DCST2: variants seen among roughly 807,000 people sequenced by gnomAD.
DCST2 encodes the protein DC-STAMP domain containing 2.
In DCST2, 64 loss-of-function variants were observed where a neutral mutation model predicts 81.8. The ratio of observed to expected loss-of-function variants is 0.78; its 90% CI spans 0.64 to 0.96. DCST2 has a LOEUF of 0.96. Among genes scored for constraint, DCST2 ranks in the 40% least tolerant of loss-of-function variants. DCST2 has a pLI of 0.00. For missense variants in DCST2, 945 were observed against 1,001.4 expected, an observed-to-expected ratio of 0.94 and a Z score of 0.76; for synonymous variants, 354 against 402.6, an observed-to-expected ratio of 0.88 and a Z score of 1.44.
Position 155,023,874 on chromosome 1 carries a change from C to G in DCST2, c.1828G>C (p.Asp610His), listed in dbSNP as rs1472915419. 6.2e-7 allele frequency: 1 copy of G among 1,613,624 alleles called. No individual in the cohort carries two copies. The highest frequency in any genetic ancestry group is 8.5e-7 in the Non-Finnish European group (1 of 1,179,956). Residue 610 changes from aspartate to histidine, a missense_variant, in exon 12 of 15, where the codon GAC (aspartate) becomes CAC (histidine). Asp to His is a moderately conservative substitution (Grantham distance 81). Coordinates refer to ENST00000368424, the MANE Select transcript of DCST2 (RefSeq NM_144622.3). Reference protein sequence around the residue: ...LGCGQPQDEGDMENTVSCSTP... With the variant: ...LGCGQPQDEGHMENTVSCSTP... ...CTGCAGGACACAGTGTTCTCCATGT[C>G]TCCCTCATCCTGGGGCTGCCCACAG... is the stretch of plus-strand genomic sequence containing the variant.
In DCST2 at chr1:155,033,076, TAG is replaced by T. The variant is rs1170836638; in HGVS notation, c.439+16_439+17del. On this transcript the variant is annotated intron_variant, in intron 2 of 14. Transcript: ENST00000368424. ...GAGGGGGGCCCGTGGGAGACAGTGG[TAG>T]AGGTGGGGGACTTACTGACAAGAGG... 1 of 1,539,678 alleles carries T rather than the reference TAG, an allele frequency of 6.5e-7. No homozygotes were observed. The highest frequency in any genetic ancestry group is 1.2e-5 in the South Asian group (1 of 80,560).
At chr1:155,026,145 G>C (rs1659902419) in intron 10 of DCST2, among the ~76,000 whole-genome samples, 157 bp downstream of exon 10, 1 of 151,886 alleles carries the variant, frequency 6.6e-6, no homozygotes, top group South Asian at 2.1e-4. Context: ...CTTGGGTCCA[G>C]AGGCTTGCAG....
chr1:155,033,408 C>A (rs773034558), intron 1 of DCST2, 26 bp downstream of exon 1: 3 of 1,607,368 alleles, frequency 1.9e-6, no homozygotes, highest in Non-Finnish European at 2.6e-6. Context: ...CAGGACCTGC[C>A]CCCTAGCCCT....
Position 155,023,414 on chromosome 1 carries a change from G to A in DCST2, c.1914C>T (p.Cys638=), listed in dbSNP as rs1374848608. 1 of 1,606,722 alleles carries A rather than the reference G, an allele frequency of 6.2e-7. No individual in the cohort carries two copies. Among genetic ancestry groups the A allele is most frequent in the African/African-American group, 1.3e-5 (1 of 74,942 alleles). ...AGGAGAGGGGAGATGCACACACGGA[G>A]CAGGTATTGTCCAGGAGGCGGAAGC... ...LTCFRLLDNT[C]SVCASPLSYQ... Residue 638 remains cysteine, a synonymous_variant, in exon 13 of 15, where the codon TGC becomes TGT. Transcript: ENST00000368424.
In DCST2 at chr1:155,030,578, G is replaced by A; in HGVS notation, c.873C>T (p.Phe291=). 1.2e-6 allele frequency: 2 copies of A among 1,614,158 alleles called. No individual in the cohort carries two copies. Among genetic ancestry groups the A allele is most frequent in the Non-Finnish European group, 1.7e-6 (2 of 1,180,038 alleles). The part of the protein sequence containing the change: ...FEFNMTATHH[F]SVDLNASRSL... ...TCCGAGAGGCATTGAGATCCACAGAGAAGTGGTGGGTGGCTGTCATGTTGA... is the reference window on the plus strand; with the variant it reads ...TCCGAGAGGCATTGAGATCCACAGAAAAGTGGTGGGTGGCTGTCATGTTGA... The change falls in exon 6 of 15, where the codon TTC becomes TTT. Residue 291 remains phenylalanine (F), a synonymous_variant. Coordinates refer to ENST00000368424, the MANE Select transcript of DCST2 (RefSeq NM_144622.3).
intron 12 of DCST2, 119 bp from the exon 13 acceptor site, chr1:155,023,576 G>T: frequency 6.5e-7 from 1 of 1,546,978 alleles, no homozygotes. Flanking sequence ...CCTTGTCAAG[G>T]GGTGCACACT....
chr1:155,031,513 A>AG, intron 4 of DCST2, 61 bp downstream of exon 4: 3 of 709,770 alleles, frequency 4.2e-6, no homozygotes, highest in Non-Finnish European at 7.4e-6. Context: ...TGACCCCCAC[A>AG]TTCCCACCCC....
chr1:155,023,255 TC>T lies in DCST2; in HGVS notation c.1966del (p.Asp656ThrfsTer?), dbSNP rs1375066555. On this transcript the variant is annotated frameshift_variant and splice_region_variant, in exon 14 of 15. Transcript: ENST00000368424. LOFTEE classifies it high-confidence loss of function. The part of the protein sequence containing the change: ...SYQGDLDLEL[D>X]SSDEEGPQLW... ...CTGAGGGCCCTCCTCATCGCTGGAG[TC>T]CCTGGAGAAGACTCTCATCTCAGTG... The T allele has an allele frequency of 6.2e-7, 1 of 1,613,708 alleles. No individual in the cohort carries two copies. Among genetic ancestry groups the T allele is most frequent in the African/African-American group, 1.3e-5 (1 of 74,830 alleles).
chr1:155,029,058 T>C (rs775473837), intron 8 of DCST2, among the ~76,000 whole-genome samples, 175 bp downstream of exon 8: 1 of 151,948 alleles, frequency 6.6e-6, no homozygotes, highest in Non-Finnish European at 1.5e-5. Context: ...AAGCATAGAG[T>C]TGAAAGAGTG....
rs757053811 is a variant in DCST2, at chr1:155,030,587, G to C, written c.864C>G (p.Thr288=). 3 of 1,614,006 alleles carry C rather than the reference G, an allele frequency of 1.9e-6. No individual in the cohort carries two copies. The African/African-American group carries it at 4.0e-5, about 22-fold the overall frequency. The change falls in exon 6 of 15, where the codon ACC becomes ACG. Residue 288 remains threonine (T), a synonymous_variant. Coordinates refer to ENST00000368424, the MANE Select transcript of DCST2 (RefSeq NM_144622.3). ...CATTGAGATCCACAGAGAAGTGGTG[G>C]GTGGCTGTCATGTTGAACTCAAACT... ...RQEFEFNMTA[T]HHFSVDLNAS...
chr1:155,020,169 C>A (rs1558096743), intron 14 of DCST2, among the ~76,000 whole-genome samples: 1 of 152,220 alleles, frequency 6.6e-6, no homozygotes, highest in African/African-American at 2.4e-5. Flanking sequence ...ATGCTCAAAT[C>A]TTCCTGTTCT....
Position 155,031,761 on chromosome 1 carries a change from G to C in DCST2, c.552C>G (p.Leu184=), listed in dbSNP as rs1022452357. The C allele has an allele frequency of 6.2e-7, 1 of 1,613,908 alleles. No individual in the cohort carries two copies. Among genetic ancestry groups the C allele is most frequent in the African/African-American group, 1.3e-5 (1 of 75,018 alleles). Residue 184 remains leucine, a synonymous_variant, in exon 4 of 15, where the codon CTC becomes CTG. Coordinates refer to ENST00000368424, the MANE Select transcript of DCST2 (RefSeq NM_144622.3). The stretch of plus-strand genomic sequence containing the variant: ...GCAGGAGCCACTGCCACACATTCCG[G>C]AGAGCCCTGGCTGGGGACAGCTGCA... ...MDGVKHIARA[L]RNVWQWLLHI...
chr1:155,025,145 C>T (rs1243303861), intron 10 of DCST2, among the ~76,000 whole-genome samples: 1 of 89,218 alleles, frequency 1.1e-5, no homozygotes, highest in African/African-American at 4.0e-5. Flanking sequence ...AAAATTCTGT[C>T]TCAAAAAAAA....
intron 12 of DCST2, 123 bp from the exon 13 acceptor site, chr1:155,023,580 G>A (rs768834306): frequency 1.3e-6 from 2 of 1,546,486 alleles, no homozygotes; most frequent in South Asian, 1.2e-5. Context: ...GTCAAGGGGT[G>A]CACACTAGGG....
rs764773838 is a variant in DCST2 at position 155,024,481 on chromosome 1, A to C, written c.1733T>G (p.Leu578Arg). ...DQGHRSAFLV[L>R]ASRCPCLGPF... ...AAGACAGTGGCCTCACCGACTGGCC[A>C]GCACTAGGAAGGCACTTCTGTGGCC... Residue 578 changes from leucine (L) to arginine (R), a missense_variant, in exon 11 of 15, where the codon CTG (leucine) becomes CGG (arginine). Coordinates refer to ENST00000368424, the MANE Select transcript of DCST2 (RefSeq NM_144622.3). The C allele has an allele frequency of 1.2e-6, 2 of 1,604,128 alleles. No homozygotes were observed. The highest frequency in any genetic ancestry group is 1.7e-6 in the Non-Finnish European group (2 of 1,174,648).
At chr1:155,033,044 G>C (rs1302683757) in intron 2 of DCST2, 50 bp downstream of exon 2, 2 of 1,481,498 alleles carry the variant, frequency 1.3e-6, no homozygotes, top group Non-Finnish European at 1.8e-6. Flanking sequence ...TGCAGGATGA[G>C]GGGGGCGAGG....
At chr1:155,027,198 A>ATTTTTTTTTTT (rs900841532) in intron 8 of DCST2, among the ~76,000 whole-genome samples, 3 of 94,180 alleles carry the variant, frequency 3.2e-5, no homozygotes, top group African/African-American at 4.2e-5. Flanking sequence ...ACGACCGGCT[A>ATTTTTTTTTTT]TTTTTTTTTT....
intron 14 of DCST2, among the ~76,000 whole-genome samples, chr1:155,021,220 C>T (rs1448766270): frequency 6.6e-6 from 1 of 151,918 alleles, no homozygotes; most frequent in Non-Finnish European, 1.5e-5. Flanking sequence ...AGGCTGGTCT[C>T]GAACTCCTGA....
At position 155,033,660 on chromosome 1, in the gene DCST2, T is replaced by C. The variant is rs1411304987; in HGVS notation, c.42A>G (p.Gly14=). The change falls in exon 1 of 15, where the codon GGA becomes GGG. Residue 14 remains glycine (G), a synonymous_variant. Transcript: ENST00000368424. ...VMKDVVHPLG[G]EEPSMARAVV... ...CAGCTCTCGCCATGCTAGGCTCCTCTCCCCCCAAGGGGTGCACAACATCCT... is the reference window on the plus strand; with the variant it reads ...CAGCTCTCGCCATGCTAGGCTCCTCCCCCCCCAAGGGGTGCACAACATCCT... 17 of 1,613,906 alleles carry C rather than the reference T, an allele frequency of 1.1e-5. No individual in the cohort carries two copies. Among genetic ancestry groups the C allele is most frequent in the Non-Finnish European group, 1.4e-5 (16 of 1,180,000 alleles).
Sources: allele counts gnomAD v4.1 joint callset (sites outside exome capture counted in the v4.1 genomes callset), GRCh38; gene constraint gnomAD v4.1.1; transcripts MANE v1.5; gene names NCBI Gene and HGNC (gene_info 2026-07-23, HGNC 2026-07-21).